Variants in NRG1 observed in about 807,000 individuals in gnomAD.
NRG1 encodes the protein pro-neuregulin-1, membrane-bound isoform.
In NRG1, 18 loss-of-function variants were observed where a neutral mutation model predicts 63.8. That is an observed-to-expected ratio of 0.28 (90% confidence interval 0.19 to 0.42). The LOEUF is 0.42. Among genes scored for constraint, NRG1 ranks in the 10% least tolerant of loss-of-function variants. NRG1 has a pLI of 1.00. For synonymous variants in NRG1, 302 were observed against 301.3 expected, an observed-to-expected ratio of 1.00 and a Z score of -0.02; for missense variants, 762 against 814.7, an observed-to-expected ratio of 0.94 and a Z score of 0.79.
intron 5 of NRG1, among the ~76,000 whole-genome samples, chr8:32,624,900 C>T (rs558745085): frequency 8.5e-5 from 13 of 152,118 alleles, no homozygotes; most frequent in Middle Eastern, 6.8e-3. Flanking sequence ...TTTCTTTTAC[C>T]AGAGTAATTG....
At chr8:31,645,481 C>T (rs546709739) in intron 1 of NRG1, among the ~76,000 whole-genome samples, 141 of 152,240 alleles carry the variant, frequency 9.3e-4, no homozygotes, top group African/African-American at 3.0e-3. Context: ...CCTGGATTTT[C>T]GTCCCTAAAT....
chr8:32,366,807 T>C (rs1026833310), intron 1 of NRG1, among the ~76,000 whole-genome samples: 2 of 150,416 alleles, frequency 1.3e-5, no homozygotes, highest in Non-Finnish European at 3.0e-5. Flanking sequence ...CACCTCTCGG[T>C]TCAAGGGATT....
chr8:32,388,007 G>A (rs1430210265), intron 1 of NRG1, among the ~76,000 whole-genome samples: 1 of 152,162 alleles, frequency 6.6e-6, no homozygotes, highest in Non-Finnish European at 1.5e-5. Context: ...CAGACTTTCG[G>A]ATGAGGATTC....
intron 5 of NRG1, among the ~76,000 whole-genome samples, chr8:32,638,387 T>C (rs1267278551): frequency 6.6e-6 from 1 of 152,206 alleles, no homozygotes; most frequent in Non-Finnish European, 1.5e-5. Context: ...AAAAAAAATT[T>C]AAATCTAATT....
chr8:32,757,847 T>G (rs567257460), intron 9 of NRG1, among the ~76,000 whole-genome samples: 2 of 152,344 alleles, frequency 1.3e-5, no homozygotes, highest in East Asian at 3.9e-4. Flanking sequence ...CTTAGTCTAG[T>G]GGCATTTAGT....
Position 32,742,702 on chromosome 8 carries a change from C to T in NRG1, c.660C>T (p.Arg220=), listed in dbSNP as rs368893488. 12 of 1,613,646 alleles carry T rather than the reference C, an allele frequency of 7.4e-6. No homozygotes were observed. In the African/African-American group the frequency reaches 1.2e-4, roughly 16 times the overall value. Residue 220 remains arginine, a synonymous_variant, in exon 7 of 12, where the codon CGC becomes CGT. Coordinates refer to ENST00000356819, the Ensembl canonical transcript of NRG1. This position sits in a 1 kb window ranked among gnomAD's most constrained non-coding sequence, Gnocchi z 4.2. ...GCCCAAATGAGTTTACTGGTGATCG[C>T]TGCCAAAACTACGTAATGGCCAGCT...
chr8:31,919,518 A>G (rs577171569), intron 1 of NRG1, among the ~76,000 whole-genome samples: 24 of 152,164 alleles, frequency 1.6e-4, no homozygotes, highest in Admixed American at 3.3e-4. Flanking sequence ...GTGACAATTT[A>G]CATATTTATA....
At chr8:32,595,738 C>T in intron 1 of NRG1, 90 bp from the exon 2 acceptor site, 1 of 1,193,874 alleles carries the variant, frequency 8.4e-7, no homozygotes, top group Non-Finnish European at 1.2e-6. Flanking sequence ...TGGAATGGTG[C>T]CTTGATCAGG....
intron 1 of NRG1, among the ~76,000 whole-genome samples, chr8:31,673,639 T>G (rs1807382993): frequency 2.0e-5 from 3 of 152,174 alleles, no homozygotes; most frequent in African/African-American, 7.2e-5. Flanking sequence ...GATGATTATA[T>G]TCCCTGTTTG....
intron 1 of NRG1, among the ~76,000 whole-genome samples, chr8:32,331,355 A>G (rs1367778203): frequency 1.3e-5 from 1 of 75,844 alleles, no homozygotes; most frequent in African/African-American, 6.6e-5. Context: ...TCCCAACTCT[A>G]CAAAAAATAC....
At chr8:32,361,380 C>T (rs546997261) in intron 1 of NRG1, among the ~76,000 whole-genome samples, 66 of 152,224 alleles carry the variant, frequency 4.3e-4, no homozygotes, top group African/African-American at 1.5e-3. Context: ...GCTTGCAGTT[C>T]CCACTGAACC....
chr8:32,476,440 A>C (rs570413507), intron 1 of NRG1, among the ~76,000 whole-genome samples: 4 of 152,208 alleles, frequency 2.6e-5, no homozygotes, highest in Non-Finnish European at 5.9e-5. Context: ...GAAAAGTTTC[A>C]TTTCAGGAGG....
intron 5 of NRG1, among the ~76,000 whole-genome samples, chr8:32,628,652 A>G (rs1266252588): frequency 5.3e-5 from 8 of 151,922 alleles, no homozygotes; most frequent in Admixed American, 1.3e-4. Context: ...CATTCAGCTT[A>G]GTGAAAAAAA....
In NRG1 at chr8:31,640,122, G is replaced by A; in HGVS notation, c.37+691G>A. ...TGCTGGGGACCGCGGCCCTGGCGCC[G>A]GGGGCGGCGGCCGGCAACGAGGCGG... On this transcript the variant is annotated intron_variant, in intron 1 of 10. Transcript: ENST00000519301. The surrounding 1 kb of genome is among the most constrained non-coding windows in gnomAD (Gnocchi z 6.3). 1 of 1,151,190 alleles carries A rather than the reference G, an allele frequency of 8.7e-7. No homozygotes were observed. The highest frequency in any genetic ancestry group is 1.1e-6 in the Non-Finnish European group (1 of 937,724). The allele number at this position is 1,151,190 out of a possible 1,614,324, so 71.3% of individuals were successfully genotyped here.
chr8:32,698,410 A>G (rs1372072583), intron 5 of NRG1, among the ~76,000 whole-genome samples: 1 of 152,226 alleles, frequency 6.6e-6, no homozygotes, highest in Admixed American at 6.5e-5. Context: ...ATGCAGGCAG[A>G]CAGGGTCTTC....
At chr8:32,080,326 A>G (rs563537923) in intron 1 of NRG1, among the ~76,000 whole-genome samples, 2 of 152,296 alleles carry the variant, frequency 1.3e-5, no homozygotes, top group East Asian at 1.9e-4. Context: ...GAAAAAGATG[A>G]AAGAGAAGTG....
chr8:31,673,579 G>A (rs1315508430), intron 1 of NRG1, among the ~76,000 whole-genome samples: 1 of 152,136 alleles, frequency 6.6e-6, no homozygotes, highest in Non-Finnish European at 1.5e-5. Context: ...AGAGGCAGGG[G>A]AAGGACTGTC....
At chr8:31,705,420 TCTC>T (rs1195580051) in intron 1 of NRG1, among the ~76,000 whole-genome samples, 1 of 152,026 alleles carries the variant, frequency 6.6e-6, no homozygotes, top group Non-Finnish European at 1.5e-5. Flanking sequence ...TCATCTGTCA[TCTC>T]CTCCCCACTC....
intron 1 of NRG1, among the ~76,000 whole-genome samples, chr8:31,705,927 G>T (rs1811105972): frequency 6.6e-6 from 1 of 152,314 alleles, no homozygotes; most frequent in South Asian, 2.1e-4. Flanking sequence ...GTGATGTTCA[G>T]TTGCGTGTTT....
Sources: allele counts gnomAD v4.1 joint callset (sites outside exome capture counted in the v4.1 genomes callset), GRCh38; gene constraint gnomAD v4.1.1; non-coding constraint Gnocchi (gnomAD v3.1); transcripts MANE v1.5; gene names NCBI Gene and HGNC (gene_info 2026-07-23, HGNC 2026-07-21).